PCDHA1: variants seen among roughly 807,000 people sequenced by gnomAD.
PCDHA1 encodes the protein protocadherin alpha 1.
A neutral mutation model predicts 61.3 loss-of-function variants in PCDHA1; 42 were observed. That is an observed-to-expected ratio of 0.69 (90% CI 0.54 to 0.89). The LOEUF (loss-of-function observed/expected upper bound fraction) is 0.89, where lower values mean the gene tolerates loss of function less well. PCDHA1 is among the 40% of genes least tolerant of loss of function. PCDHA1 has a pLI of 0.00. For synonymous variants in PCDHA1, 610 were observed against 553.8 expected, an observed-to-expected ratio of 1.10 and a Z score of -1.43; for missense variants, 1,256 against 1,235.3, an observed-to-expected ratio of 1.02 and a Z score of -0.25.
rs2150353812 is a variant in PCDHA1, at chr5:140,843,145, G to T, written c.2394+54461G>T. ...ACTCGGGCTACAACGCGTGGCTTTCGTATGAGCTGCAGCCAGCTGCAAGCA... is the reference window on the plus strand; with the variant it reads ...ACTCGGGCTACAACGCGTGGCTTTCTTATGAGCTGCAGCCAGCTGCAAGCA... On this transcript the variant is annotated intron_variant, in intron 1 of 3. Coordinates refer to ENST00000504120, the MANE Select transcript of PCDHA1 (RefSeq NM_018900.4). 3.8e-6 allele frequency: 6 copies of T among 1,596,072 alleles called. 1 individual carries two copies. Among genetic ancestry groups the T allele is most frequent in the Middle Eastern group, 3.4e-4 (2 of 5,956 alleles).
At chr5:140,868,420 A>C (rs1554161960) in intron 1 of PCDHA1, 1 of 152,238 alleles carries the variant, frequency 6.6e-6, no homozygotes, top group Non-Finnish European at 1.5e-5. Flanking sequence ...AAGCCCACAG[A>C]GATGAGAATA....
intron 1 of PCDHA1, among the ~76,000 whole-genome samples, chr5:140,941,231 C>CTTTCTTTCTTTCTT (rs1563186950): frequency 5.1e-5 from 7 of 136,876 alleles, no homozygotes; most frequent in East Asian, 2.1e-4. Context: ...TTCTTTCTTT[C>CTTTCTTTCTTTCTT]TTTCTTTCTT....
chr5:140,955,006 C>T (rs1304080416), intron 1 of PCDHA1, among the ~76,000 whole-genome samples: 1 of 152,154 alleles, frequency 6.6e-6, no homozygotes, highest in African/African-American at 2.4e-5. Flanking sequence ...AGCCAATTCT[C>T]CCAGCACCAT....
intron 1 of PCDHA1, among the ~76,000 whole-genome samples, chr5:140,915,642 C>CTCTG (rs1236956905): frequency 1.3e-5 from 2 of 152,012 alleles, no homozygotes; most frequent in African/African-American, 2.4e-5. Context: ...CTCTCTCTCT[C>CTCTG]TCTCTCTCTC....
rs150698374 is a variant in PCDHA1 at position 140,841,827 on chromosome 5, C to A, written c.2394+53143C>A. The A allele has an allele frequency of 1.2e-3, 1,964 of 1,613,914 alleles. 22 individuals are homozygous for A. Among genetic ancestry groups the A allele is most frequent in the Non-Finnish European group, 7.1e-4 (841 of 1,179,854 alleles). ...GATGTTGGAGCTAACTCCGTGTTAA[C>A]CTACAGGCTTAGCTCTCATGATTAC... On this transcript the variant is annotated intron_variant, in intron 1 of 3. Transcript: ENST00000504120.
intron 1 of PCDHA1, chr5:140,795,546 C>T (rs757969639): frequency 1.2e-4 from 194 of 1,613,980 alleles, no homozygotes; most frequent in Non-Finnish European, 1.5e-4. Context: ...CTTTGTCTCT[C>T]GTGCTGGGGA....
intron 1 of PCDHA1, chr5:140,830,044 G>T: frequency 6.2e-7 from 1 of 1,613,812 alleles, no homozygotes; most frequent in Non-Finnish European, 8.5e-7. Context: ...TGGTGCTGGT[G>T]AAAGACCACG....
At chr5:141,006,745 T>C (rs1554260891) in intron 3 of PCDHA1, among the ~76,000 whole-genome samples, 1 of 152,144 alleles carries the variant, frequency 6.6e-6, no homozygotes, top group Non-Finnish European at 1.5e-5. Flanking sequence ...TGATGTATTA[T>C]AAATGGAGAA....
intron 1 of PCDHA1, among the ~76,000 whole-genome samples, chr5:140,924,904 AAT>A (rs1277700524): frequency 5.2e-4 from 28 of 54,160 alleles, no homozygotes; most frequent in African/African-American, 2.1e-3. Context: ...CAAAAAAAAA[AAT>A]AAAATAAAAT....
intron 3 of PCDHA1, among the ~76,000 whole-genome samples, chr5:140,993,386 A>C (rs1435793353): frequency 6.6e-6 from 1 of 151,354 alleles, no homozygotes; most frequent in Non-Finnish European, 1.5e-5. Flanking sequence ...GGGTCCCTGA[A>C]ACTCCATCAT....
chr5:140,993,528 A>T lies in PCDHA1; in HGVS notation c.2542+10965A>T, dbSNP rs78672098. On this transcript the variant is annotated intron_variant, in intron 3 of 3. Transcript: ENST00000504120. ...CACACACGGGGAGAGAGAGACAGAG[A>T]GAGAGAGAGATAGAGAAGTGAAGTA... Among the ~76,000 whole-genome samples the T allele has an allele frequency of 6.6e-5, 10 of 152,092 alleles. No individual in the cohort carries two copies. In the East Asian group the frequency reaches 1.2e-3, roughly 18 times the overall value.
At chr5:140,942,668 A>G (rs1047486718) in intron 1 of PCDHA1, among the ~76,000 whole-genome samples, 7 of 152,336 alleles carry the variant, frequency 4.6e-5, no homozygotes, top group Admixed American at 2.0e-4. Flanking sequence ...CAATAAGCAC[A>G]AAAGTTTTAG....
intron 1 of PCDHA1, among the ~76,000 whole-genome samples, chr5:140,891,303 T>C (rs1007949282): frequency 6.6e-6 from 1 of 152,178 alleles, no homozygotes; most frequent in Non-Finnish European, 1.5e-5. Flanking sequence ...GGTATTTGAT[T>C]ACATGAGTAA....
Position 140,824,088 on chromosome 5 carries a change from C to G in PCDHA1, c.2394+35404C>G, listed in dbSNP as rs145264014. On this transcript the variant is annotated intron_variant, in intron 1 of 3. Transcript: ENST00000504120. Reference sequence around the variant, plus strand: ...CACCCAAAACAGACCTCATGGCCTTCAGTCCAAGCCTTCCTCAGGGTCCCA... The same window carrying G: ...CACCCAAAACAGACCTCATGGCCTTGAGTCCAAGCCTTCCTCAGGGTCCCA... 1,047 of 1,614,190 alleles carry G rather than the reference C, an allele frequency of 6.5e-4. 5 individuals are homozygous for G. In the African/African-American group the frequency reaches 0.012, roughly 19 times the overall value.
chr5:140,849,958 C>A (rs2041255697), intron 1 of PCDHA1: 1 of 1,597,774 alleles, frequency 6.3e-7, no homozygotes, highest in East Asian at 2.2e-5. Flanking sequence ...CAGGAGAACG[C>A]CCTGGTGTCC....
chr5:140,849,800 G>A, intron 1 of PCDHA1: 1 of 1,598,514 alleles, frequency 6.3e-7, no homozygotes, highest in African/African-American at 1.3e-5. Context: ...CGCCTTCACT[G>A]TGGGCCACGG....
chr5:140,808,702 G>A (rs1554124704), intron 1 of PCDHA1: 5 of 1,612,168 alleles, frequency 3.1e-6, no homozygotes, highest in Non-Finnish European at 3.4e-6. Flanking sequence ...GCGCGCTGTC[G>A]AGCTACGTTT....
At position 140,788,315 on chromosome 5, in the gene PCDHA1, G is replaced by T; in HGVS notation, c.2025G>T (p.Ala675=). Residue 675 remains alanine, a synonymous_variant, in exon 1 of 4, where the codon GCG becomes GCT. Transcript: ENST00000504120. ...VLVSLVESGQ[A]PKASSRASVG... The stretch of plus-strand genomic sequence containing the variant: ...TATCTCTGGTGGAGAGCGGCCAGGC[G>T]CCAAAGGCGTCTTCGCGGGCGTCGG... 1.2e-6 allele frequency: 2 copies of T among 1,613,970 alleles called. No homozygotes were observed. The highest frequency in any genetic ancestry group is 1.7e-6 in the Non-Finnish European group (2 of 1,179,944).
chr5:140,827,449 C>A (rs1404981658), intron 1 of PCDHA1, among the ~76,000 whole-genome samples: 4 of 152,146 alleles, frequency 2.6e-5, no homozygotes, highest in African/African-American at 9.7e-5. Flanking sequence ...CACAGAAGAA[C>A]CTTAAGAGCA....
Sources: gnomAD v4.1 joint callset for allele counts (sites outside exome capture counted in the v4.1 genomes callset) on GRCh38, gnomAD v4.1.1 for gene constraint, MANE v1.5 for transcripts, NCBI Gene and HGNC (gene_info 2026-07-23, HGNC 2026-07-21) for gene names.